Variants in PRMT8 observed in about 807,000 individuals in gnomAD.
PRMT8 encodes protein arginine N-methyltransferase 8.
PRMT8 carries 7 observed loss-of-function variants against 47.1 expected under a neutral mutation model. That is an observed-to-expected ratio of 0.15 (90% CI 0.08 to 0.28). PRMT8 has a LOEUF of 0.28. Among genes scored for constraint, PRMT8 ranks in the 10% least tolerant of loss-of-function variants. The pLI is 1.00. For synonymous variants in PRMT8, 188 were observed against 186.5 expected, an observed-to-expected ratio of 1.01 and a Z score of -0.07; for missense variants, 237 against 505.4, an observed-to-expected ratio of 0.47 and a Z score of 5.09.
chr12:3,560,297 C>T (rs1866611998), intron 4 of PRMT8, among the ~76,000 whole-genome samples: 1 of 152,162 alleles, frequency 6.6e-6, no homozygotes, highest in Non-Finnish European at 1.5e-5. Context: ...CAACACGGGG[C>T]ATAGAATACC....
chr12:3,420,090 C>T (rs1455732911), intron 1 of PRMT8, among the ~76,000 whole-genome samples: 2 of 151,452 alleles, frequency 1.3e-5, no homozygotes, highest in Non-Finnish European at 2.9e-5. Flanking sequence ...TGTACTGAAC[C>T]AGTGGCCAAC....
At position 3,564,956 on chromosome 12, in the gene PRMT8, A is replaced by T. The variant is rs1486338255; in HGVS notation, c.482-3750A>T. 6.6e-6 allele frequency among the ~76,000 whole-genome samples: 1 copy of T among 152,228 alleles called. No individual in the cohort carries two copies. The highest frequency in any genetic ancestry group is 2.4e-5 in the African/African-American group (1 of 41,450). ...TTGTAGATTGGAAAATTGAATCTGG[A>T]AGTTTAAGTGGTTGCTGGTGGTGAC... On this transcript the variant is annotated intron_variant, in intron 4 of 9. Coordinates refer to ENST00000382622, the MANE Select transcript of PRMT8 (RefSeq NM_019854.5). The surrounding 1 kb of genome is among the most constrained non-coding windows in gnomAD (Gnocchi z 4.0).
At chr12:3,424,880 T>C (rs1864585325) in intron 1 of PRMT8, among the ~76,000 whole-genome samples, 1 of 152,140 alleles carries the variant, frequency 6.6e-6, no homozygotes, top group Admixed American at 6.5e-5. Context: ...TTAAGGAAAA[T>C]GAGTCCCGCG....
chr12:3,532,687 C>A (rs964105455), intron 1 of PRMT8, among the ~76,000 whole-genome samples: 8 of 147,774 alleles, frequency 5.4e-5, no homozygotes, highest in African/African-American at 1.8e-4. Context: ...TGCCATGGAA[C>A]CTTTTTCTAG....
At chr12:3,419,178 G>A (rs893603259) in intron 1 of PRMT8, among the ~76,000 whole-genome samples, 1 of 152,204 alleles carries the variant, frequency 6.6e-6, no homozygotes, top group Non-Finnish European at 1.5e-5. Flanking sequence ...ATTTGCTCAA[G>A]GTCACAAAGC....
At chr12:3,403,442 C>T (rs535284709) in intron 1 of PRMT8, among the ~76,000 whole-genome samples, 9 of 149,726 alleles carry the variant, frequency 6.0e-5, no homozygotes, top group African/African-American at 2.2e-4. Context: ...CAAACCTGCA[C>T]ATCCTGCACA....
rs1469773698 is a variant in PRMT8 at position 3,492,511 on chromosome 12, C to T, written c.75+811C>T. On this transcript the variant is annotated intron_variant, in intron 1 of 9. Coordinates refer to ENST00000382622, the MANE Select transcript of PRMT8 (RefSeq NM_019854.5). The surrounding 1 kb of genome is among the most constrained non-coding windows in gnomAD (Gnocchi z 7.5). ...AGGGCTTTTGAGGAGGTCGCTCTAG[C>T]TCCGCAAATTGTGTTCTCGGCCCCC... Among the ~76,000 whole-genome samples the T allele has an allele frequency of 6.6e-6, 1 of 152,230 alleles. No individual in the cohort carries two copies. The highest frequency in any genetic ancestry group is 1.5e-5 in the Non-Finnish European group (1 of 68,040).
At chr12:3,539,646 G>A (rs541863248) in intron 1 of PRMT8, among the ~76,000 whole-genome samples, 1 of 152,298 alleles carries the variant, frequency 6.6e-6, no homozygotes, top group African/African-American at 2.4e-5. Flanking sequence ...TCCAATTGCT[G>A]TCTCTGGGCT....
chr12:3,554,466 A>G (rs986308425), intron 4 of PRMT8, among the ~76,000 whole-genome samples: 1 of 152,210 alleles, frequency 6.6e-6, no homozygotes, highest in Non-Finnish European at 1.5e-5. Context: ...ATCCTGTCCT[A>G]CTGCGCCGGG....
chr12:3,476,200 G>T (rs1042316637), intron 1 of PRMT8, among the ~76,000 whole-genome samples: 1 of 152,160 alleles, frequency 6.6e-6, no homozygotes, highest in African/African-American at 2.4e-5. Context: ...AGTGGGAGTG[G>T]TTTAGGCCAG....
chr12:3,592,489 G>A (rs755885121), intron 9 of PRMT8, 137 bp downstream of exon 9: 2 of 940,962 alleles, frequency 2.1e-6, no homozygotes, highest in Non-Finnish European at 3.1e-6. Context: ...GTAGCCACAT[G>A]TGGACATGAC....
rs549469768 is a variant in PRMT8, at chr12:3,519,201, A to C, written c.76-21405A>C. ...CAGAGAGAGAAAGAAGAAAAAACTAAGTGTAAGGGAAAAAGGAAACAGGGA... is the reference window on the plus strand; with the variant it reads ...CAGAGAGAGAAAGAAGAAAAAACTACGTGTAAGGGAAAAAGGAAACAGGGA... On this transcript the variant is annotated intron_variant, in intron 1 of 9. Transcript: ENST00000382622. 7.9e-5 allele frequency among the ~76,000 whole-genome samples: 12 copies of C among 152,276 alleles called. No homozygotes were observed. In the South Asian group the frequency reaches 1.9e-3, roughly 24 times the overall value.
At chr12:3,544,995 T>C (rs1866303210) in intron 2 of PRMT8, among the ~76,000 whole-genome samples, 1 of 152,236 alleles carries the variant, frequency 6.6e-6, no homozygotes, top group Non-Finnish European at 1.5e-5. Flanking sequence ...CTGCAGCCTT[T>C]GTCGTTATTT....
At chr12:3,452,257 C>T (rs1864926105) in intron 1 of PRMT8, among the ~76,000 whole-genome samples, 1 of 151,998 alleles carries the variant, frequency 6.6e-6, no homozygotes, top group African/African-American at 2.4e-5. Flanking sequence ...ACAACAAACC[C>T]TTGTGATACA....
intron 1 of PRMT8, among the ~76,000 whole-genome samples, chr12:3,423,566 T>C (rs896821281): frequency 1.3e-5 from 2 of 152,192 alleles, no homozygotes; most frequent in Admixed American, 1.3e-4. Flanking sequence ...AGTTCACCTG[T>C]CTTTATGGGC....
Position 3,540,613 on chromosome 12 carries a change from G to GGCCCCCCCCCCCCCCCCC in PRMT8, c.83_84insGCCCCCCCCCCCCCCCCC (p.Ser28delinsArgProProProProProPro). The GGCCCCCCCCCCCCCCCCC allele has an allele frequency of 4.4e-6, 5 of 1,130,522 alleles. No individual in the cohort carries two copies. Among genetic ancestry groups the GGCCCCCCCCCCCCCCCCC allele is most frequent in the East Asian group, 2.4e-5 (1 of 42,438 alleles). 70.0% of individuals were successfully genotyped at this position (1,130,522 alleles called of 1,614,324 possible). A position where few individuals can be genotyped will look rare whatever the true frequency, so the allele number is the denominator to read the frequency against. Reference sequence around the variant, plus strand: ...CCCTTCTCTTCCCCTCAGGTGAACAGCCCCCCCTCCCAGCCCCCCCAGCCC... The same window carrying GGCCCCCCCCCCCCCCCCC: ...CCCTTCTCTTCCCCTCAGGTGAACAGGCCCCCCCCCCCCCCCCCCCCCCCCTCCCAGCCCCCCCAGCCC... On this transcript the variant is annotated protein_altering_variant, in exon 2 of 10. Transcript: ENST00000382622.
rs1352257154 is a variant in PRMT8 at position 3,580,959 on chromosome 12, T to A, written c.829-2099T>A. ...GAGCATTATGAAGGCTGACATATAC[T>A]CAGTCTAAAACGTTTCCTAGATTTG... On this transcript the variant is annotated intron_variant, in intron 7 of 9. Coordinates refer to ENST00000382622, the MANE Select transcript of PRMT8 (RefSeq NM_019854.5). This position sits in a 1 kb window ranked among gnomAD's most constrained non-coding sequence, Gnocchi z 4.6. Among the ~76,000 whole-genome samples the A allele has an allele frequency of 6.6e-6, 1 of 152,176 alleles. No individual in the cohort carries two copies. Among genetic ancestry groups the A allele is most frequent in the Non-Finnish European group, 1.5e-5 (1 of 68,022 alleles).
chr12:3,483,410 C>T (rs182095121), intron 1 of PRMT8, among the ~76,000 whole-genome samples: 1 of 152,178 alleles, frequency 6.6e-6, no homozygotes, highest in Non-Finnish European at 1.5e-5. Context: ...AACCACTCTT[C>T]TCTTGCTGTG....
rs1865659391 is a variant in PRMT8 at position 3,508,187 on chromosome 12, T to C, written c.75+16487T>C. On this transcript the variant is annotated intron_variant, in intron 1 of 9. Coordinates refer to ENST00000382622, the MANE Select transcript of PRMT8 (RefSeq NM_019854.5). This position sits in a 1 kb window ranked among gnomAD's most constrained non-coding sequence, Gnocchi z 4.9. ...TGTTGTTTCACTTTTAGGAGAAAAT[T>C]TATAGTTCATAATGGGAATAGTCAA... 6.6e-6 allele frequency among the ~76,000 whole-genome samples: 1 copy of C among 152,174 alleles called. No individual in the cohort carries two copies. The highest frequency in any genetic ancestry group is 6.5e-5 in the Admixed American group (1 of 15,280).
Sources: allele counts gnomAD v4.1 joint callset (sites outside exome capture counted in the v4.1 genomes callset), GRCh38; gene constraint gnomAD v4.1.1; non-coding constraint Gnocchi (gnomAD v3.1); transcripts MANE v1.5; gene names NCBI Gene and HGNC (gene_info 2026-07-23, HGNC 2026-07-21).